The following PPP6R2 variants were observed in gnomAD, a reference collection of about 807,000 sequenced individuals.
PPP6R2 encodes the protein serine/threonine-protein phosphatase 6 regulatory subunit 2.
PPP6R2 carries 62 observed loss-of-function variants against 100.2 expected under a neutral mutation model. That is an observed-to-expected ratio of 0.62 (90% CI 0.50 to 0.76). The LOEUF (loss-of-function observed/expected upper bound fraction) is 0.76, where lower values mean the gene tolerates loss of function less well. PPP6R2 is among the 30% of genes least tolerant of loss of function. The probability of loss-of-function intolerance (pLI) is 0.00; values close to 1 mark genes in which losing one functional copy is unlikely to be tolerated. For synonymous variants in PPP6R2, 525 were observed against 514.7 expected, an observed-to-expected ratio of 1.02 and a Z score of -0.27; for missense variants, 1,142 against 1,276.3, an observed-to-expected ratio of 0.89 and a Z score of 1.60.
intron 2 of PPP6R2, among the ~76,000 whole-genome samples, chr22:50,375,848 TTTTTTTTTTTG>T (rs2051409366): frequency 7.2e-6 from 1 of 139,112 alleles, no homozygotes; most frequent in South Asian, 2.6e-4. Context: ...TTTTTTTTTT[TTTTTTTTTTTG>T]AGATGGAGTC....
At chr22:50,421,630 G>T (rs2061348669) in intron 8 of PPP6R2, among the ~76,000 whole-genome samples, 1 of 152,186 alleles carries the variant, frequency 6.6e-6, no homozygotes, top group Non-Finnish European at 1.5e-5. Context: ...CACCACAGGG[G>T]GTAGGCGCAG....
At chr22:50,350,129 AAAAG>A (rs909301781) in intron 1 of PPP6R2, among the ~76,000 whole-genome samples, 9 of 152,158 alleles carry the variant, frequency 5.9e-5, no homozygotes, top group Non-Finnish European at 1.2e-4. Flanking sequence ...AAAAGAAAAA[AAAAG>A]AAACCATTTT....
At chr22:50,353,331 C>G (rs76743359) in intron 1 of PPP6R2, among the ~76,000 whole-genome samples, 2,300 of 152,132 alleles carry the variant, frequency 0.015, 52 homozygotes, top group African/African-American at 0.053. Flanking sequence ...AACGTTATTA[C>G]GTTATTACTG....
chr22:50,373,537 C>T (rs1309171161), intron 2 of PPP6R2, among the ~76,000 whole-genome samples: 1 of 151,362 alleles, frequency 6.6e-6, no homozygotes, highest in Non-Finnish European at 1.5e-5. Flanking sequence ...GCCACCGCGC[C>T]CAGCCTAATT....
chr22:50,405,794 T>C (rs1428651233), intron 3 of PPP6R2, among the ~76,000 whole-genome samples: 7 of 59,718 alleles, frequency 1.2e-4, no homozygotes, highest in South Asian at 6.2e-4. Context: ...TGGAGAGAGG[T>C]GAGAGGCCTG....
chr22:50,401,633 TC>T (rs1387409343), intron 3 of PPP6R2, among the ~76,000 whole-genome samples: 9 of 150,450 alleles, frequency 6.0e-5, no homozygotes, highest in African/African-American at 2.2e-4. Flanking sequence ...CGCCTCAGCC[TC>T]CCTTTTTCTT....
At chr22:50,436,304 C>T (rs1406565915) in intron 13 of PPP6R2, 63 bp from the exon 14 acceptor site, 6 of 1,455,526 alleles carry the variant, frequency 4.1e-6, no homozygotes, top group Admixed American at 2.0e-5. Context: ...CCGGAGCCCC[C>T]GGGTGCCCTG....
chr22:50,406,818 G>A lies in PPP6R2; in HGVS notation c.357G>A (p.Leu119=), dbSNP rs1292117856. ...FLDHEPPLNP[L]LASFFSKTIG... The stretch of plus-strand genomic sequence containing the variant: ...ACCATGAGCCGCCTCTCAATCCTCT[G>A]CTCGCCAGTTTTTTCAGCAAGACCA... The change falls in exon 4 of 24, where the codon CTG becomes CTA. Residue 119 remains leucine, a synonymous_variant. Transcript: ENST00000612753. 4 of 1,614,132 alleles carry A rather than the reference G, an allele frequency of 2.5e-6. No individual in the cohort carries two copies. In the East Asian group the frequency reaches 8.9e-5, roughly 36 times the overall value.
chr22:50,395,249 G>A (rs979620213), intron 3 of PPP6R2, among the ~76,000 whole-genome samples: 3 of 152,192 alleles, frequency 2.0e-5, no homozygotes, highest in Non-Finnish European at 4.4e-5. Context: ...TTCCTGAAAC[G>A]CCCATTCAGC....
Position 50,394,075 on chromosome 22 carries a change from A to C in PPP6R2, c.167A>C (p.Glu56Ala). The change falls in exon 3 of 24, where the codon GAG becomes GCG. Residue 56 changes from glutamate to alanine, a missense_variant. Coordinates refer to ENST00000612753, the MANE Select transcript of PPP6R2 (RefSeq NM_001242898.2). ...CTGTGCAGGCAGCAGTGCATGGAGG[A>C]GCTGGTGAGCCTCATCACACAGGAT... ...DFLCRQQCME[E>A]LVSLITQDPP... 6.2e-7 allele frequency: 1 copy of C among 1,614,174 alleles called. No homozygotes were observed. Among genetic ancestry groups the C allele is most frequent in the Non-Finnish European group, 8.5e-7 (1 of 1,180,030 alleles).
intron 8 of PPP6R2, among the ~76,000 whole-genome samples, chr22:50,421,104 C>CTG (rs1211497073): frequency 6.6e-6 from 1 of 152,174 alleles, no homozygotes; most frequent in Non-Finnish European, 1.5e-5. Context: ...CTCTCTCTCT[C>CTG]TCTGTCTGTC....
chr22:50,393,533 G>C, intron 2 of PPP6R2: 1 of 985,218 alleles, frequency 1.0e-6, no homozygotes, highest in Non-Finnish European at 1.2e-6. Flanking sequence ...CTGGTGGGTG[G>C]GGGACAGTGT....
chr22:50,333,554 G>T, the PPP6R2 span, among the ~76,000 whole-genome samples: 7 of 152,036 alleles, frequency 4.6e-5, no homozygotes, highest in Admixed American at 4.6e-4. Flanking sequence ...GGATGGTCTC[G>T]ATCTCCTGAC....
intron 2 of PPP6R2, among the ~76,000 whole-genome samples, chr22:50,374,443 G>T (rs546310093): frequency 3.8e-4 from 58 of 152,308 alleles, no homozygotes; most frequent in African/African-American, 1.1e-3. Flanking sequence ...CCAAAGTGCA[G>T]CCCTGAGAGA....
chr22:50,438,628 G>T lies in PPP6R2; in HGVS notation c.1994G>T (p.Cys665Phe), dbSNP rs2064920346. The part of the protein sequence containing the change: ...RFGAPHASES[C>F]SKNGPERGGQ... ...GGAGCCCCCCATGCTTCAGAGAGTT[G>T]CTCAAAGAATGGCCCAGAGCGTGGA... Residue 665 changes from cysteine (C) to phenylalanine (F), a missense_variant, in exon 19 of 24, where the codon TGC becomes TTC. Cys to Phe is a radical substitution (Grantham distance 205). Around this residue, in one of 2 missense-constraint regions of PPP6R2, gnomAD observed 550 missense variants for 517.4 expected, o/e 1.06. Transcript: ENST00000612753. 2.5e-6 allele frequency: 4 copies of T among 1,613,924 alleles called. No individual in the cohort carries two copies. The South Asian group carries it at 3.3e-5, about 13-fold the overall frequency.
chr22:50,397,433 A>C (rs183159793), intron 3 of PPP6R2, among the ~76,000 whole-genome samples: 1 of 152,320 alleles, frequency 6.6e-6, no homozygotes, highest in African/African-American at 2.4e-5. Context: ...ATTGGTGAAC[A>C]AAGAAGAAAT....
At chr22:50,366,423 C>G (rs1319368651) in intron 1 of PPP6R2, among the ~76,000 whole-genome samples, 1 of 151,884 alleles carries the variant, frequency 6.6e-6, no homozygotes, top group Non-Finnish European at 1.5e-5. Context: ...CCTTCCTCAG[C>G]CTCCCCAGTA....
intron 4 of PPP6R2, among the ~76,000 whole-genome samples, chr22:50,409,901 A>G (rs2059501642): frequency 6.7e-6 from 1 of 149,082 alleles, no homozygotes; most frequent in Admixed American, 6.7e-5. Context: ...TAATTTTTAT[A>G]TTTTTTAGTG....
At chr22:50,416,844 C>T (rs1341898267) in intron 6 of PPP6R2, among the ~76,000 whole-genome samples, 1 of 151,618 alleles carries the variant, frequency 6.6e-6, no homozygotes, top group Non-Finnish European at 1.5e-5. Flanking sequence ...TAATCCCAGC[C>T]ACTCAGGAAG....
Sources: gnomAD v4.1 joint callset for allele counts (sites outside exome capture counted in the v4.1 genomes callset) on GRCh38, gnomAD v4.1.1 for gene constraint, gnomAD v4.1.1 regional missense constraint, MANE v1.5 for transcripts, NCBI Gene and HGNC (gene_info 2026-07-23, HGNC 2026-07-21) for gene names.